Variants in CDH13 observed in about 807,000 individuals in gnomAD.
CDH13 encodes the protein cadherin 13.
In CDH13, 24 loss-of-function variants were observed where a neutral mutation model predicts 63.8. The ratio of observed to expected loss-of-function variants is 0.38; its 90% CI spans 0.27 to 0.53. The LOEUF (loss-of-function observed/expected upper bound fraction) is 0.53, where lower values mean the gene tolerates loss of function less well. Among genes scored for constraint, CDH13 ranks in the 20% least tolerant of loss-of-function variants. The pLI, the probability that CDH13 is intolerant of heterozygous loss-of-function variation, is 0.85. For missense variants in CDH13, 1,049 were observed against 903.1 expected, an observed-to-expected ratio of 1.16 and a Z score of -2.07; for synonymous variants, 503 against 355.3, an observed-to-expected ratio of 1.42 and a Z score of -4.67.
At chr16:83,281,446 T>C (rs943126053) in intron 5 of CDH13, among the ~76,000 whole-genome samples, 3 of 152,222 alleles carry the variant, frequency 2.0e-5, no homozygotes, top group African/African-American at 2.4e-5. Context: ...ACTCAAACTT[T>C]CTCCACATCA....
intron 3 of CDH13, among the ~76,000 whole-genome samples, chr16:83,123,126 G>A (rs1242698758): frequency 6.6e-6 from 1 of 151,884 alleles, no homozygotes; most frequent in Non-Finnish European, 1.5e-5. Flanking sequence ...GGCTTGAGTA[G>A]TATTTTATGG....
chr16:83,317,166 A>C (rs1039551902), intron 5 of CDH13, among the ~76,000 whole-genome samples: 2 of 152,214 alleles, frequency 1.3e-5, no homozygotes, highest in African/African-American at 4.8e-5. Context: ...ATCTGGTCCC[A>C]AATGTCAGCA....
Position 83,648,177 on chromosome 16 carries a change from A to T in CDH13, c.1102-22613A>T, listed in dbSNP as rs1912016092. On this transcript the variant is annotated intron_variant, in intron 8 of 13. Coordinates refer to ENST00000567109, the MANE Select transcript of CDH13 (RefSeq NM_001257.5). ...AGGACCAAGGTATGGGGTTAATAAA[A>T]CACGGATGTTTCATCATCCAGGCGT... Among the ~76,000 whole-genome samples, 3 of 152,066 alleles carry T rather than the reference A, an allele frequency of 2.0e-5. No individual in the cohort carries two copies. The South Asian group carries it at 6.2e-4, about 31-fold the overall frequency.
intron 4 of CDH13, among the ~76,000 whole-genome samples, chr16:83,171,253 G>A (rs1047145416): frequency 6.6e-6 from 1 of 152,050 alleles, no homozygotes; most frequent in Non-Finnish European, 1.5e-5. Flanking sequence ...AGAGAATGGG[G>A]TGGGGAAGTA....
chr16:82,861,088 C>A (rs569103174), intron 2 of CDH13, among the ~76,000 whole-genome samples: 1 of 152,214 alleles, frequency 6.6e-6, no homozygotes, highest in Non-Finnish European at 1.5e-5. Context: ...CGAAAAGAAC[C>A]AAACAGAACC....
chr16:82,988,357 G>A (rs1911218532), intron 2 of CDH13, among the ~76,000 whole-genome samples: 1 of 152,160 alleles, frequency 6.6e-6, no homozygotes, highest in Non-Finnish European at 1.5e-5. Context: ...TGAAAGATGG[G>A]CAGATAAGTA....
intron 10 of CDH13, among the ~76,000 whole-genome samples, chr16:83,698,806 G>A (rs1905774712): frequency 6.6e-6 from 1 of 152,206 alleles, no homozygotes; most frequent in African/African-American, 2.4e-5. Flanking sequence ...AACAATATAG[G>A]TTTTATGGAC....
At chr16:83,073,064 G>C (rs2032555881) in intron 3 of CDH13, among the ~76,000 whole-genome samples, 1 of 152,198 alleles carries the variant, frequency 6.6e-6, no homozygotes, top group African/African-American at 2.4e-5. Context: ...GTCCAGCACT[G>C]TGCTGGTAGC....
At chr16:82,809,883 A>G (rs1051725697) in intron 1 of CDH13, among the ~76,000 whole-genome samples, 7 of 152,104 alleles carry the variant, frequency 4.6e-5, no homozygotes, top group Admixed American at 3.9e-4. Context: ...CCTTCTCAAG[A>G]TACATATAAG....
At chr16:83,358,469 G>A (rs1169328880) in intron 6 of CDH13, among the ~76,000 whole-genome samples, 6 of 152,118 alleles carry the variant, frequency 3.9e-5, no homozygotes, top group South Asian at 2.1e-4. Flanking sequence ...TGGCAGCCCT[G>A]GATTGCTTCT....
At chr16:83,186,858 C>G (rs769529639) in intron 4 of CDH13, among the ~76,000 whole-genome samples, 2 of 152,078 alleles carry the variant, frequency 1.3e-5, no homozygotes, top group Non-Finnish European at 2.9e-5. Context: ...AAGTGGTGCC[C>G]CCATTGAAGC....
chr16:83,597,221 TCA>T (rs3052814), intron 7 of CDH13, among the ~76,000 whole-genome samples: 68,795 of 148,040 alleles, frequency 0.46, 17,115 homozygotes, highest in African/African-American at 0.7. Flanking sequence ...AGACCCTGAC[TCA>T]CACACACACA....
At chr16:82,668,073 G>A (rs1267918750) in intron 1 of CDH13, among the ~76,000 whole-genome samples, 1 of 152,076 alleles carries the variant, frequency 6.6e-6, no homozygotes, top group East Asian at 1.9e-4. Flanking sequence ...TGAATACCAA[G>A]TAGATGATGT....
chr16:83,128,878 G>A (rs1193804888), intron 4 of CDH13, among the ~76,000 whole-genome samples: 1 of 152,154 alleles, frequency 6.6e-6, no homozygotes, highest in Admixed American at 6.5e-5. Context: ...TCTCTACAAA[G>A]CAACTGCTTT....
chr16:83,262,315 C>T (rs1907090155), intron 5 of CDH13, among the ~76,000 whole-genome samples: 1 of 152,180 alleles, frequency 6.6e-6, no homozygotes, highest in East Asian at 1.9e-4. Flanking sequence ...TAAGTCTGCA[C>T]AGCTGTGGTG....
chr16:82,851,101 T>G (rs2039462402), intron 1 of CDH13, among the ~76,000 whole-genome samples: 1 of 152,118 alleles, frequency 6.6e-6, no homozygotes, highest in African/African-American at 2.4e-5. Flanking sequence ...GTAGCATCTT[T>G]TAGAAATAAA....
intron 10 of CDH13, among the ~76,000 whole-genome samples, chr16:83,699,669 A>G (rs1905920281): frequency 6.6e-6 from 1 of 152,110 alleles, no homozygotes; most frequent in African/African-American, 2.4e-5. Flanking sequence ...ACACACACTC[A>G]CTGTCATCAG....
chr16:83,051,627 A>G (rs534654046), intron 3 of CDH13, among the ~76,000 whole-genome samples: 1 of 152,348 alleles, frequency 6.6e-6, no homozygotes, highest in Non-Finnish European at 1.5e-5. Context: ...GGATTTCATT[A>G]AGACACTCCG....
At chr16:83,467,557 G>T (rs77111817) in intron 6 of CDH13, among the ~76,000 whole-genome samples, 1 of 152,134 alleles carries the variant, frequency 6.6e-6, no homozygotes, top group African/African-American at 2.4e-5. Context: ...ACTGGCAACC[G>T]CTTCGTGCAG....
Sources: gnomAD v4.1 joint callset for allele counts (sites outside exome capture counted in the v4.1 genomes callset) on GRCh38, gnomAD v4.1.1 for gene constraint, MANE v1.5 for transcripts, NCBI Gene and HGNC (gene_info 2026-07-23, HGNC 2026-07-21) for gene names.